BICD1: variants seen among roughly 807,000 people sequenced by gnomAD.
The protein encoded by BICD1 is protein bicaudal D homolog 1.
A neutral mutation model predicts 92.5 loss-of-function variants in BICD1; 35 were observed. The observed-to-expected ratio is 0.38, with a 90% CI of 0.29 to 0.50. The LOEUF is 0.50. Ranked by LOEUF, BICD1 falls within the 20% of genes least tolerant of loss-of-function variation. BICD1 has a pLI of 0.93. For synonymous variants in BICD1, 429 were observed against 465.1 expected (o/e 0.92, Z 1.00); for missense variants, 950 against 1,189.8 (o/e 0.80, Z 2.97).
chr12:32,259,458 C>T (rs1263505591), intron 2 of BICD1, among the ~76,000 whole-genome samples: 2 of 152,204 alleles, frequency 1.3e-5, no homozygotes, highest in Non-Finnish European at 2.9e-5. Context: ...TGACACATGA[C>T]TTGAGAATCT....
At chr12:32,221,952 G>C (rs1945544707) in intron 2 of BICD1, among the ~76,000 whole-genome samples, 1 of 152,062 alleles carries the variant, frequency 6.6e-6, no homozygotes, top group African/African-American at 2.4e-5. Flanking sequence ...TCTTCAACCT[G>C]TAGGTATAAT....
intron 2 of BICD1, among the ~76,000 whole-genome samples, chr12:32,288,886 A>C (rs1947651427): frequency 6.6e-6 from 1 of 152,088 alleles, no homozygotes; most frequent in Non-Finnish European, 1.5e-5. Flanking sequence ...AATTATAGTA[A>C]TTTTAACATG....
At chr12:32,218,628 A>G (rs1394800339) in intron 2 of BICD1, among the ~76,000 whole-genome samples, 3 of 152,256 alleles carry the variant, frequency 2.0e-5, no homozygotes, top group East Asian at 1.9e-4. Flanking sequence ...GATTTGCAGT[A>G]AGAGAATAAC....
At chr12:32,142,430 AAC>A (rs376623125) in intron 1 of BICD1, among the ~76,000 whole-genome samples, 8,174 of 54,918 alleles carry the variant, frequency 0.15, 740 homozygotes, top group East Asian at 0.24. Context: ...AAAAAAAAAA[AAC>A]AAAAAACCCC....
chr12:32,276,220 G>T (rs1180285086), intron 2 of BICD1, among the ~76,000 whole-genome samples: 1 of 152,114 alleles, frequency 6.6e-6, no homozygotes, highest in African/African-American at 2.4e-5. Context: ...TTAATGACAT[G>T]GAAGGCACCC....
At chr12:32,213,413 G>A (rs1945273022) in intron 1 of BICD1, among the ~76,000 whole-genome samples, 1 of 151,882 alleles carries the variant, frequency 6.6e-6, no homozygotes, top group African/African-American at 2.4e-5. Context: ...TTTTTGTTTT[G>A]GAGAAGGGGT....
intron 2 of BICD1, among the ~76,000 whole-genome samples, chr12:32,266,891 G>A (rs540366178): frequency 2.6e-5 from 4 of 151,862 alleles, no homozygotes; most frequent in African/African-American, 9.7e-5. Flanking sequence ...TGAGCACGAA[G>A]TTAATGAATA....
chr12:32,375,275 T>A (rs975325643), intron 9 of BICD1, among the ~76,000 whole-genome samples: 1 of 151,906 alleles, frequency 6.6e-6, no homozygotes, highest in Non-Finnish European at 1.5e-5. Flanking sequence ...GTGTGTGTAA[T>A]CTCAGCACTT....
chr12:32,248,244 G>A (rs1344547574), intron 2 of BICD1, among the ~76,000 whole-genome samples: 4 of 152,218 alleles, frequency 2.6e-5, no homozygotes, highest in Non-Finnish European at 5.9e-5. Flanking sequence ...CAAGATGGAG[G>A]TTGCTGATGA....
chr12:32,359,516 GAATCCATTAAC>G (rs1175062681), intron 8 of BICD1, among the ~76,000 whole-genome samples: 131 of 46,812 alleles, frequency 2.8e-3, no homozygotes, highest in Admixed American at 0.017. Context: ...CATAACCCAT[GAATCCATTAAC>G]CCATGAATCC....
intron 1 of BICD1, among the ~76,000 whole-genome samples, chr12:32,112,273 TG>T (rs760689580): frequency 9.2e-5 from 14 of 152,348 alleles, no homozygotes; most frequent in Non-Finnish European, 1.9e-4. Flanking sequence ...CCCAAAGTGC[TG>T]GGATTACAGG....
chr12:32,253,642 C>G (rs754042035), intron 2 of BICD1, among the ~76,000 whole-genome samples: 9 of 152,212 alleles, frequency 5.9e-5, no homozygotes, highest in Non-Finnish European at 1.3e-4. Flanking sequence ...TAGTCACTCT[C>G]TAGCACACTT....
chr12:32,121,572 G>A (rs967498666), intron 1 of BICD1, among the ~76,000 whole-genome samples: 3 of 149,504 alleles, frequency 2.0e-5, no homozygotes, highest in African/African-American at 7.4e-5. Flanking sequence ...CAGCCTGGGC[G>A]AGAGTCTTGT....
Position 32,346,521 on chromosome 12 carries a change from A to T in BICD1, c.2764+7542A>T, listed in dbSNP as rs185950778. On this transcript the variant is annotated intron_variant, in intron 8 of 9. Coordinates refer to ENST00000652176, the MANE Select transcript of BICD1 (RefSeq NM_001714.4). ...GACAGAGTGAGACCCTGTCAAAAAA[A>T]ATATATATATACGTGTATATATATA... Among the ~76,000 whole-genome samples the T allele has an allele frequency of 9.9e-3, 1,011 of 102,192 alleles. 11 individuals carry two copies. Among genetic ancestry groups the T allele is most frequent in the East Asian group, 0.013 (48 of 3,634 alleles). The allele number at this position is 102,192 out of a possible 152,430, so 67.0% of individuals were successfully genotyped here.
chr12:32,129,026 C>G (rs1942444031), intron 1 of BICD1, among the ~76,000 whole-genome samples: 1 of 152,010 alleles, frequency 6.6e-6, no homozygotes, highest in African/African-American at 2.4e-5. Flanking sequence ...ACTGCAACCT[C>G]TGCCTCCCAG....
chr12:32,333,226 G>A (rs765292833), intron 5 of BICD1: 53 of 985,178 alleles, frequency 5.4e-5, no homozygotes, highest in Admixed American at 4.3e-4. Flanking sequence ...AACAACTGCC[G>A]TTTTTCCCCA....
chr12:32,324,606 C>T (rs985238963), intron 4 of BICD1, among the ~76,000 whole-genome samples: 5 of 151,662 alleles, frequency 3.3e-5, no homozygotes, highest in African/African-American at 1.2e-4. Context: ...GATGGAGTCT[C>T]ACTCTGTCGC....
At chr12:32,132,505 G>A (rs535974651) in intron 1 of BICD1, among the ~76,000 whole-genome samples, 29 of 152,132 alleles carry the variant, frequency 1.9e-4, no homozygotes, top group African/African-American at 6.5e-4. Flanking sequence ...AAGCCTTTGC[G>A]GCTCGGAACT....
At chr12:32,303,163 G>A (rs10771934) in intron 3 of BICD1, among the ~76,000 whole-genome samples, 25,316 of 151,648 alleles carry the variant, frequency 0.17, 2,713 homozygotes, top group African/African-American at 0.29. Flanking sequence ...TCAAACTCCT[G>A]TGCTCAAGCA....
Sources: gnomAD v4.1 joint callset for allele counts (sites outside exome capture counted in the v4.1 genomes callset) on GRCh38, gnomAD v4.1.1 for gene constraint, MANE v1.5 for transcripts, NCBI Gene and HGNC (gene_info 2026-07-23, HGNC 2026-07-21) for gene names.